The following KCNJ3 variants were observed in gnomAD, a reference collection of about 807,000 sequenced individuals.
KCNJ3 encodes G protein-activated inward rectifier potassium channel 1.
A neutral mutation model predicts 39.2 loss-of-function variants in KCNJ3; 4 were observed. The ratio of observed to expected loss-of-function variants is 0.10; its 90% CI spans 0.05 to 0.23. The LOEUF (loss-of-function observed/expected upper bound fraction) is 0.23. Ranked by LOEUF, KCNJ3 falls within the 10% of genes least tolerant of loss-of-function variation. KCNJ3 has a pLI of 1.00. For missense variants in KCNJ3, 276 were observed against 634.9 expected (o/e 0.43, Z 6.08); for synonymous variants, 230 against 237.4 (o/e 0.97, Z 0.29).
chr2:154,838,943 T>A (rs570590846), intron 2 of KCNJ3, among the ~76,000 whole-genome samples: 1 of 149,458 alleles, frequency 6.7e-6, no homozygotes, highest in Admixed American at 6.6e-5. Context: ...GAAATTTTTA[T>A]GTATGTATTT....
At chr2:154,742,869 A>T (rs1685675524) in intron 2 of KCNJ3, among the ~76,000 whole-genome samples, 1 of 151,720 alleles carries the variant, frequency 6.6e-6, no homozygotes, top group Non-Finnish European at 1.5e-5. Context: ...AAAAAAATTA[A>T]GTTTTCATTA....
intron 2 of KCNJ3, among the ~76,000 whole-genome samples, chr2:154,725,477 C>G (rs1351664197): frequency 6.6e-6 from 1 of 151,926 alleles, no homozygotes; most frequent in African/African-American, 2.4e-5. Context: ...TTTCATTTCC[C>G]CATCCCCTGC....
intron 2 of KCNJ3, among the ~76,000 whole-genome samples, chr2:154,733,793 T>G (rs545439843): frequency 1.3e-5 from 2 of 152,308 alleles, no homozygotes; most frequent in South Asian, 4.1e-4. Context: ...GTAGAATGTG[T>G]CAGCCTACTG....
At chr2:154,823,290 A>G (rs1481874780) in intron 2 of KCNJ3, among the ~76,000 whole-genome samples, 1 of 151,740 alleles carries the variant, frequency 6.6e-6, no homozygotes, top group Non-Finnish European at 1.5e-5. Context: ...AGAATAGTTG[A>G]TGTTTTGATA....
At chr2:154,700,374 C>CT (rs1046606366) in intron 1 of KCNJ3, among the ~76,000 whole-genome samples, 2 of 152,156 alleles carry the variant, frequency 1.3e-5, no homozygotes, top group Non-Finnish European at 2.9e-5. Flanking sequence ...AGAAGTCCTT[C>CT]TTAATCACTC....
At chr2:154,705,161 G>A (rs372994888) in intron 1 of KCNJ3, among the ~76,000 whole-genome samples, 5 of 152,288 alleles carry the variant, frequency 3.3e-5, no homozygotes, top group South Asian at 4.1e-4. Flanking sequence ...AGGAAAGAAC[G>A]TAGTTACATA....
chr2:154,819,741 G>C (rs1253759525), intron 2 of KCNJ3, among the ~76,000 whole-genome samples: 1 of 151,900 alleles, frequency 6.6e-6, no homozygotes. Context: ...CTGTTGGCCA[G>C]GATGCTCTCA....
intron 2 of KCNJ3, among the ~76,000 whole-genome samples, chr2:154,799,847 A>G (rs1382133190): frequency 3.9e-5 from 6 of 152,176 alleles, no homozygotes. Context: ...CAGCATTAAA[A>G]ATGTCCCATC....
intron 2 of KCNJ3, among the ~76,000 whole-genome samples, chr2:154,800,880 G>T (rs951339077): frequency 1.3e-5 from 2 of 152,158 alleles, no homozygotes; most frequent in Non-Finnish European, 2.9e-5. Flanking sequence ...CTGGAAGATG[G>T]CTACACAATG....
chr2:154,725,296 A>G (rs1005248895), intron 2 of KCNJ3, among the ~76,000 whole-genome samples: 1 of 141,884 alleles, frequency 7.0e-6, no homozygotes, highest in African/African-American at 2.6e-5. Flanking sequence ...TCTATTTTTT[A>G]TATCTCGCCA....
At chr2:154,784,127 G>A (rs568192046) in intron 2 of KCNJ3, among the ~76,000 whole-genome samples, 17 of 152,174 alleles carry the variant, frequency 1.1e-4, no homozygotes, top group South Asian at 4.1e-4. Context: ...GCATAAGTAC[G>A]TTTTGTGAAT....
intron 2 of KCNJ3, among the ~76,000 whole-genome samples, chr2:154,757,130 C>T (rs892694863): frequency 6.6e-6 from 1 of 151,994 alleles, no homozygotes; most frequent in African/African-American, 2.4e-5. Flanking sequence ...TGGAACAGGA[C>T]ATATATGAGT....
At position 154,799,528 on chromosome 2, in the gene KCNJ3, T is replaced by C. The variant is rs16838218; in HGVS notation, c.920-55199T>C. Among the ~76,000 whole-genome samples, 475 of 152,228 alleles carry C rather than the reference T, an allele frequency of 3.1e-3. 4 individuals carry two copies. The highest frequency in any genetic ancestry group is 0.011 in the African/African-American group (460 of 41,544). On this transcript the variant is annotated intron_variant, in intron 2 of 2. Coordinates refer to ENST00000295101, the MANE Select transcript of KCNJ3 (RefSeq NM_002239.4). ...TGGAGAAGTCAATGGTCTAATCAAC[T>C]CCAAGATGTTTCCAAGGCTTTGCAT...
At position 154,855,100 on chromosome 2, in the gene KCNJ3, A is replaced by G. The variant is rs377158307; in HGVS notation, c.1293A>G (p.Gly431=). The change falls in exon 3 of 3, where the codon GGA becomes GGG. Residue 431 remains glycine, a synonymous_variant. Transcript: ENST00000295101. ...CTTCAGAAAAAGCCTACAGCTTGGG[A>G]GACTTGCCCATGAAACTTCAACGAA... The part of the protein sequence containing the change: ...STTSEKAYSL[G]DLPMKLQRIS... 15 of 1,613,982 alleles carry G rather than the reference A, an allele frequency of 9.3e-6. No individual in the cohort carries two copies. In the African/African-American group the frequency reaches 1.9e-4, roughly 20 times the overall value.
chr2:154,733,410 A>G (rs1685476862), intron 2 of KCNJ3, among the ~76,000 whole-genome samples: 1 of 152,118 alleles, frequency 6.6e-6, no homozygotes, highest in African/African-American at 2.4e-5. Context: ...GCCTTGCAAA[A>G]CAAAAATGAG....
In KCNJ3 at chr2:154,720,247, A is replaced by C. The variant is rs539152886; in HGVS notation, c.919+10428A>C. Among the ~76,000 whole-genome samples, 6 of 152,118 alleles carry C rather than the reference A, an allele frequency of 3.9e-5. No individual in the cohort carries two copies. The South Asian group carries it at 1.2e-3, about 32-fold the overall frequency. On this transcript the variant is annotated intron_variant, in intron 2 of 2. Coordinates refer to ENST00000295101, the MANE Select transcript of KCNJ3 (RefSeq NM_002239.4). ...TTGTCCAGGGGTGACTTACCCTTGA[A>C]GCATATTATTAACTGTGGTGATTAC...
intron 2 of KCNJ3, among the ~76,000 whole-genome samples, chr2:154,840,078 T>C (rs1207105220): frequency 6.6e-6 from 1 of 152,224 alleles, no homozygotes; most frequent in Non-Finnish European, 1.5e-5. Context: ...AGGTCTAACA[T>C]TTAAGTCTTT....
chr2:154,844,954 C>A (rs1451217658), intron 2 of KCNJ3, among the ~76,000 whole-genome samples: 1 of 152,142 alleles, frequency 6.6e-6, no homozygotes, highest in Non-Finnish European at 1.5e-5. Flanking sequence ...CTGTGGGCTG[C>A]ACCCACTGTC....
At chr2:154,760,718 A>AT (rs905975279) in intron 2 of KCNJ3, among the ~76,000 whole-genome samples, 1 of 127,872 alleles carries the variant, frequency 7.8e-6, no homozygotes, top group African/African-American at 3.0e-5. Flanking sequence ...CACCCTGGCT[A>AT]TTTTTTTCTT....
Sources: gnomAD v4.1 joint callset for allele counts (sites outside exome capture counted in the v4.1 genomes callset) on GRCh38, gnomAD v4.1.1 for gene constraint, MANE v1.5 for transcripts, NCBI Gene and HGNC (gene_info 2026-07-23, HGNC 2026-07-21) for gene names.